ZNF697: variants seen among roughly 807,000 people sequenced by gnomAD.
ZNF697 encodes zinc finger protein 697.
ZNF697 carries 23 observed loss-of-function variants against 32.4 expected under a neutral mutation model. The ratio of observed to expected loss-of-function variants is 0.71; its 90% CI spans 0.51 to 1.01. ZNF697 has a LOEUF of 1.01. Ranked by LOEUF, ZNF697 falls within the 50% of genes least tolerant of loss-of-function variation. ZNF697 has a pLI of 0.00. For synonymous variants in ZNF697, 418 were observed against 337.2 expected, an observed-to-expected ratio of 1.24 and a Z score of -2.62; for missense variants, 930 against 794.0, an observed-to-expected ratio of 1.17 and a Z score of -2.06.
Position 119,637,821 on chromosome 1 carries a change from G to GA in ZNF697, c.-38+9869dup, listed in dbSNP as rs587689717. Among the ~76,000 whole-genome samples, 47 of 151,084 alleles carry GA rather than the reference G, an allele frequency of 3.1e-4. 1 individual carries two copies. The South Asian group carries it at 9.0e-3, about 29-fold the overall frequency. ...GAAAAACAGAACATCTTGTTGGCTA[G>GA]AAAAAAAAAGCAGTTGTTTGAATTA... On this transcript the variant is annotated intron_variant, in intron 1 of 2. Transcript: ENST00000421812.
In ZNF697 at chr1:119,648,202, TTGGCTGGCTGGCTGGCTGGC is replaced by T. The variant is rs587734493; in HGVS notation, c.-569_-550del. Among the ~76,000 whole-genome samples, 4 of 150,296 alleles carry T rather than the reference TTGGCTGGCTGGCTGGCTGGC, an allele frequency of 2.7e-5. No individual in the cohort carries two copies. The highest frequency in any genetic ancestry group is 5.9e-5 in the Non-Finnish European group (4 of 67,328). The stretch of plus-strand genomic sequence containing the variant: ...GCTGGGTGGCCCGCTGGCTGGCTGG[TTGGCTGGCTGGCTGGCTGGC>T]TGGCTGGCTGGCTCGCTGGCTGGCT... On this transcript the variant is annotated 5_prime_UTR_variant, in exon 1 of 3. Coordinates refer to ENST00000421812, the MANE Select transcript of ZNF697 (RefSeq NM_001080470.2).
intron 1 of ZNF697, among the ~76,000 whole-genome samples, chr1:119,639,713 T>TC (rs1309343468): frequency 1.9e-5 from 2 of 103,822 alleles, no homozygotes; most frequent in Non-Finnish European, 4.0e-5. Context: ...ACCCTGTCTC[T>TC]CCAAAAAAAA....
rs587719149 is a variant in ZNF697, at chr1:119,626,852, A to G, written c.-37-715T>C. 3.9e-4 allele frequency among the ~76,000 whole-genome samples: 59 copies of G among 152,316 alleles called. 1 individual carries two copies. The highest frequency in any genetic ancestry group is 3.3e-3 in the South Asian group (16 of 4,826). On this transcript the variant is annotated intron_variant, in intron 1 of 2. Coordinates refer to ENST00000421812, the MANE Select transcript of ZNF697 (RefSeq NM_001080470.2). ...GAAAAAGAGGTACAGGGGACCCTCT[A>G]TATTAGAAGCCATCTCTATCATCCT...
intron 1 of ZNF697, 130 bp from the exon 2 acceptor site, chr1:119,626,267 TC>T: frequency 1.6e-6 from 2 of 1,244,552 alleles, no homozygotes; most frequent in Non-Finnish European, 2.2e-6. Flanking sequence ...TCCACTTCAC[TC>T]CACATTTTAA....
rs755864029 is a variant in ZNF697, at chr1:119,622,764, C to T, written c.1579G>A (p.Gly527Ser). ...GNKPHKCAGCGKGFRYKTHLA... is the reference protein window; with the variant it reads ...GNKPHKCAGCSKGFRYKTHLA... ...TGCGTTTTATAGCGGAAGCCTTTGC[C>T]GCAGCCCGCACACTTGTGCGGCTTG... Residue 527 changes from glycine to serine, a missense_variant, in exon 3 of 3, where the codon GGC (glycine) becomes AGC (serine). Physicochemically the swap from Gly to Ser is moderately conservative, Grantham distance 56 (BLOSUM62 0). Coordinates refer to ENST00000421812, the MANE Select transcript of ZNF697 (RefSeq NM_001080470.2). 2 of 1,583,606 alleles carry T rather than the reference C, an allele frequency of 1.3e-6. No individual in the cohort carries two copies. The highest frequency in any genetic ancestry group is 2.3e-5 in the East Asian group (1 of 43,186).
rs760902338 is a variant in ZNF697 at position 119,626,085 on chromosome 1, T to A, written c.16A>T (p.Asn6Tyr). The change falls in exon 2 of 3, where the codon AAT becomes TAT. Residue 6 changes from asparagine to tyrosine, a missense_variant. Transcript: ENST00000421812. Reference protein sequence around the residue: MKQEDNQGVCAHQDSE... With the variant: MKQEDYQGVCAHQDSE... The stretch of plus-strand genomic sequence containing the variant: ...TCCTGGTGTGCACAGACACCCTGAT[T>A]ATCTTCTTGTTTCATCCAGGAAGAA... 5 of 1,613,788 alleles carry A rather than the reference T, an allele frequency of 3.1e-6. No homozygotes were observed. The highest frequency in any genetic ancestry group is 4.2e-6 in the Non-Finnish European group (5 of 1,179,846).
chr1:119,635,571 T>C (rs72994228), intron 1 of ZNF697, among the ~76,000 whole-genome samples: 6,801 of 152,252 alleles, frequency 0.045, 511 homozygotes, highest in African/African-American at 0.15. Context: ...GGGGTCCTAG[T>C]TGTGACAATT....
At chr1:119,632,979 C>G (rs1471462415) in intron 1 of ZNF697, among the ~76,000 whole-genome samples, 1 of 152,158 alleles carries the variant, frequency 6.6e-6, no homozygotes, top group African/African-American at 2.4e-5. Context: ...GTTTTACACC[C>G]TCAGTTGTTT....
rs1470639229 is a variant in ZNF697 at position 119,620,646 on chromosome 1, C to T, written c.*2059G>A. ...AAATGAGAATTAATGTCTTTCAAAA[C>T]TGTCTGTAGTTTGAAAACCTATTTG... On this transcript the variant is annotated 3_prime_UTR_variant, in exon 3 of 3. Coordinates refer to ENST00000421812, the MANE Select transcript of ZNF697 (RefSeq NM_001080470.2). The T allele has an allele frequency of 6.6e-6, 1 of 152,628 alleles. No homozygotes were observed. Among genetic ancestry groups the T allele is most frequent in the Admixed American group, 6.5e-5 (1 of 15,290 alleles). 9.5% of individuals were successfully genotyped at this position (152,628 alleles called of 1,614,324 possible).
chr1:119,640,068 T>A (rs1207065316), intron 1 of ZNF697, among the ~76,000 whole-genome samples: 1 of 152,232 alleles, frequency 6.6e-6, no homozygotes, highest in Non-Finnish European at 1.5e-5. Flanking sequence ...CTTAAGATAC[T>A]TTTTCTTATT....
intron 1 of ZNF697, among the ~76,000 whole-genome samples, chr1:119,642,111 C>G (rs769165127): frequency 6.6e-6 from 1 of 152,004 alleles, no homozygotes; most frequent in South Asian, 2.1e-4. Flanking sequence ...ATGATAGAAG[C>G]CAATATGAAA....
chr1:119,625,735 A>T, intron 2 of ZNF697, 140 bp downstream of exon 2: 1 of 1,190,324 alleles, frequency 8.4e-7, no homozygotes, highest in Non-Finnish European at 1.2e-6. Context: ...CAAGAGAGGC[A>T]AGTCAGTACA....
intron 1 of ZNF697, among the ~76,000 whole-genome samples, chr1:119,642,296 C>G (rs1234570240): frequency 6.6e-6 from 1 of 152,048 alleles, no homozygotes; most frequent in Non-Finnish European, 1.5e-5. Context: ...TGGTAGATAC[C>G]CGTCATTATA....
intron 1 of ZNF697, among the ~76,000 whole-genome samples, chr1:119,633,089 C>T (rs1410068035): frequency 6.6e-6 from 1 of 152,182 alleles, no homozygotes; most frequent in Non-Finnish European, 1.5e-5. Flanking sequence ...TTCAGGAAAT[C>T]ACAGACCTTG....
chr1:119,624,688 G>T (rs1648520746), intron 2 of ZNF697, among the ~76,000 whole-genome samples: 1 of 152,046 alleles, frequency 6.6e-6, no homozygotes, highest in African/African-American at 2.4e-5. Flanking sequence ...TCCGCCTCCT[G>T]GGTTCAAGCG....
At chr1:119,625,516 T>C (rs1380189254) in intron 2 of ZNF697, among the ~76,000 whole-genome samples, 2 of 152,242 alleles carry the variant, frequency 1.3e-5, no homozygotes, top group African/African-American at 4.8e-5. Flanking sequence ...CTGTGCTTAG[T>C]AACTCTATAT....
rs1648359862 is a variant in ZNF697, at chr1:119,622,435, C to CCTGG, written c.*269_*270insCCAG. 1 of 499,358 alleles carries CCTGG rather than the reference C, an allele frequency of 2.0e-6. No homozygotes were observed. The highest frequency in any genetic ancestry group is 4.1e-5 in the Admixed American group (1 of 24,612). The allele number at this position is 499,358 out of a possible 1,614,324, so 30.9% of individuals were successfully genotyped here. ...CTCAAAGTGCCTGGTCCTCCAAGCT[C>CCTGG]TTCACCCCCTACAGCGTGTATTTAA... On this transcript the variant is annotated 3_prime_UTR_variant, in exon 3 of 3. Coordinates refer to ENST00000421812, the MANE Select transcript of ZNF697 (RefSeq NM_001080470.2).
chr1:119,624,041 G>C lies in ZNF697; in HGVS notation c.302C>G (p.Ala101Gly), dbSNP rs1648491429. 6.2e-7 allele frequency: 1 copy of C among 1,612,014 alleles called. No individual in the cohort carries two copies. The highest frequency in any genetic ancestry group is 8.5e-7 in the Non-Finnish European group (1 of 1,179,114). ...AGACTCAGACAGTCCTGGGAACATC[G>C]CCATGTCAGCTACACCGGATTGGTC... ...EDDQSGVADMAMFPGLSESDS... is the reference protein window; with the variant it reads ...EDDQSGVADMGMFPGLSESDS... The change falls in exon 3 of 3, where the codon GCG becomes GGG. Residue 101 changes from alanine (A) to glycine (G), a missense_variant. By Grantham distance (60) the Ala-to-Gly change is moderately conservative. Transcript: ENST00000421812.
At position 119,648,260 on chromosome 1, in the gene ZNF697, C is replaced by T. The variant is rs1470930217; in HGVS notation, c.-607G>A. On this transcript the variant is annotated 5_prime_UTR_variant, in exon 1 of 3. Transcript: ENST00000421812. ...TCGCTGGCTGGCTGCCCGGCTGACT[C>T]CTCACTGGGGCTTCCTGTAGGGCTG... Among the ~76,000 whole-genome samples, 1 of 145,582 alleles carries T rather than the reference C, an allele frequency of 6.9e-6. No individual in the cohort carries two copies. Among genetic ancestry groups the T allele is most frequent in the Admixed American group, 6.9e-5 (1 of 14,518 alleles).
Sources: allele counts gnomAD v4.1 joint callset (sites outside exome capture counted in the v4.1 genomes callset), GRCh38; gene constraint gnomAD v4.1.1; transcripts MANE v1.5; gene names NCBI Gene and HGNC (gene_info 2026-07-23, HGNC 2026-07-21).